The following SMUG1 variants were observed in gnomAD, a reference collection of about 807,000 sequenced individuals.
SMUG1 encodes single-strand selective monofunctional uracil DNA glycosylase.
SMUG1 carries 13 observed loss-of-function variants against 23.9 expected under a neutral mutation model. The ratio of observed to expected loss-of-function variants is 0.54; its 90% CI spans 0.35 to 0.86. The LOEUF (loss-of-function observed/expected upper bound fraction) is 0.86, where lower values mean the gene tolerates loss of function less well. Among genes scored for constraint, SMUG1 ranks in the 40% least tolerant of loss-of-function variants. The probability of loss-of-function intolerance (pLI) is 0.01; values close to 1 mark genes in which losing one functional copy is unlikely to be tolerated. For synonymous variants in SMUG1, 133 were observed against 139.8 expected, an observed-to-expected ratio of 0.95 and a Z score of 0.34; for missense variants, 313 against 339.5, an observed-to-expected ratio of 0.92 and a Z score of 0.61.
intron 3 of SMUG1, among the ~76,000 whole-genome samples, chr12:54,166,859 A>C (rs1251249918): frequency 1.3e-5 from 2 of 152,056 alleles, no homozygotes; most frequent in African/African-American, 4.8e-5. Context: ...ACAAATAATC[A>C]CAAAATGCTG....
downstream of SMUG1, among the ~76,000 whole-genome samples, chr12:54,161,770 A>G (rs1279747762): frequency 6.6e-6 from 1 of 152,096 alleles, no homozygotes; most frequent in Non-Finnish European, 1.5e-5. This position sits in a 1 kb window ranked among gnomAD's most constrained non-coding sequence, Gnocchi z 4.2. Flanking sequence ...AGGGACCCTG[A>G]TCCCACCAAG....
intron 4 of SMUG1, chr12:54,165,126 C>T (rs1940405239): frequency 6.6e-6 from 1 of 152,172 alleles, no homozygotes; most frequent in South Asian, 2.1e-4. Flanking sequence ...CATGTCCTCC[C>T]TTAATTCCCT....
chr12:54,160,061 GC>G (rs1940195809), downstream of SMUG1, among the ~76,000 whole-genome samples: 1 of 152,184 alleles, frequency 6.6e-6, no homozygotes, highest in African/African-American at 2.4e-5. Flanking sequence ...AGAGAGGGGA[GC>G]CCCTGAAACT....
At chr12:54,158,886 G>A (rs1203270888) in intron 4 of SMUG1, among the ~76,000 whole-genome samples, 1 of 152,164 alleles carries the variant, frequency 6.6e-6, no homozygotes, top group African/African-American at 2.4e-5. Flanking sequence ...TTGCTCAAGT[G>A]CACTTATCCC....
At position 54,180,627 on chromosome 12, in the gene SMUG1, C is replaced by A. The variant is rs1021435102; in HGVS notation, c.*1469G>T. The A allele has an allele frequency of 1.3e-5, 2 of 152,212 alleles. No individual in the cohort carries two copies. Among genetic ancestry groups the A allele is most frequent in the Non-Finnish European group, 2.9e-5 (2 of 68,056 alleles). The allele number at this position is 152,212 out of a possible 1,614,324, so 9.4% of individuals were successfully genotyped here. On this transcript the variant is annotated 3_prime_UTR_variant, in exon 4 of 4. Transcript: ENST00000682136. ...TACCAGGTTCCCATCTGCCCCATCA[C>A]CTGTTTCTCACGGTGTCCAGAGTAT...
intron 2 of SMUG1, among the ~76,000 whole-genome samples, chr12:54,174,712 T>C (rs1426993703): frequency 6.6e-6 from 1 of 152,212 alleles, no homozygotes; most frequent in Non-Finnish European, 1.5e-5. Context: ...GGAGGACTGT[T>C]CTGGGCTCTC....
Position 54,183,827 on chromosome 12 carries a change from G to T in SMUG1, c.114C>A (p.Leu38=). ...AESFLEEELR[L]NAELSQLQFS... is the part of the protein sequence containing the mutation. ...ACTGCAGCTGGCTCAGCTCAGCATT[G>T]AGCCGAAGCTCCTCCTCCAGGAAGC... Residue 38 remains leucine, a synonymous_variant, in exon 3 of 4, where the codon CTC becomes CTA. Transcript: ENST00000682136. 6.2e-7 allele frequency: 1 copy of T among 1,613,952 alleles called. No individual in the cohort carries two copies. The highest frequency in any genetic ancestry group is 8.5e-7 in the Non-Finnish European group (1 of 1,179,948).
downstream of SMUG1, among the ~76,000 whole-genome samples, chr12:54,179,998 C>T (rs991397981): frequency 1.3e-5 from 2 of 152,150 alleles, no homozygotes; most frequent in African/African-American, 4.8e-5. Context: ...CTGACCAAAA[C>T]CTGTGTCAGA....
rs1940913064 is a variant in SMUG1 at position 54,180,540 on chromosome 12, T to C, written c.*1556A>G. On this transcript the variant is annotated 3_prime_UTR_variant, in exon 4 of 4. Coordinates refer to ENST00000682136, the MANE Select transcript of SMUG1 (RefSeq NM_001243787.2). ...GCTCTGCTCCCAACTTGGTTCACTT[T>C]CCCAGCCCTTACCAAAGGGGCACCC... The C allele has an allele frequency of 6.6e-6, 1 of 152,146 alleles. No homozygotes were observed. The highest frequency in any genetic ancestry group is 2.1e-4 in the South Asian group (1 of 4,832). 9.4% of individuals were successfully genotyped at this position (152,146 alleles called of 1,614,324 possible).
Position 54,183,693 on chromosome 12 carries a change from C to G in SMUG1, c.248G>C (p.Gly83Ala). 6.2e-7 allele frequency: 1 copy of G among 1,614,012 alleles called. No homozygotes were observed. Among genetic ancestry groups the G allele is most frequent in the Non-Finnish European group, 8.5e-7 (1 of 1,179,972 alleles). The part of the protein sequence containing the change: ...CQGPKEVLFL[G>A]MNPGPFGMAQ... Reference sequence around the variant, plus strand: ...CATGCCAAAAGGTCCAGGGTTCATGCCCAGGAAGAGTACTTCCTTGGGGCC... The same window carrying G: ...CATGCCAAAAGGTCCAGGGTTCATGGCCAGGAAGAGTACTTCCTTGGGGCC... Residue 83 changes from glycine (G) to alanine (A), a missense_variant, in exon 3 of 4, where the codon GGC (glycine) becomes GCC (alanine). Gly to Ala is a moderately conservative substitution (Grantham distance 60, BLOSUM62 0). Coordinates refer to ENST00000682136, the MANE Select transcript of SMUG1 (RefSeq NM_001243787.2).
intron 4 of SMUG1, among the ~76,000 whole-genome samples, chr12:54,158,805 A>G (rs1302162206): frequency 6.6e-6 from 1 of 152,132 alleles, no homozygotes; most frequent in Non-Finnish European, 1.5e-5. Flanking sequence ...GCCACCCACC[A>G]GACAGGAAAA....
At chr12:54,178,520 CCT>C (rs1235688291), downstream of SMUG1, among the ~76,000 whole-genome samples, 8 of 152,122 alleles carry the variant, frequency 5.3e-5, no homozygotes, top group East Asian at 3.8e-4. Context: ...AGACTCATCC[CCT>C]CTCTTCCCAT....
At chr12:54,170,263 A>G (rs373318184) in intron 3 of SMUG1, among the ~76,000 whole-genome samples, 21 of 151,552 alleles carry the variant, frequency 1.4e-4, no homozygotes, top group South Asian at 8.4e-4. Flanking sequence ...GCGGCAAAGC[A>G]GTAAAGGTGA....
rs1942148267 is a variant in SMUG1, at chr12:54,185,477, TAAAATAA to T, written c.-19-1525_-19-1519del. Among the ~76,000 whole-genome samples, 2 of 57,508 alleles carry T rather than the reference TAAAATAA, an allele frequency of 3.5e-5. 1 individual carries two copies. Among genetic ancestry groups the T allele is most frequent in the African/African-American group, 1.1e-4 (2 of 18,120 alleles). The allele number at this position is 57,508 out of a possible 152,430, so 37.7% of individuals were successfully genotyped here. A position where few individuals can be genotyped will look rare whatever the true frequency, so the allele number is the denominator to read the frequency against. On this transcript the variant is annotated intron_variant, in intron 2 of 3. Transcript: ENST00000682136. ...AGCAAGACTCCATCTCAAAAAAAAA[TAAAATAA>T]AAAATAAATAAATAAATAAATAAAT...
chr12:54,182,609 T>C lies in SMUG1; in HGVS notation c.300A>G (p.Glu100=), dbSNP rs1184255235. 6.2e-7 allele frequency: 1 copy of C among 1,609,646 alleles called. No homozygotes were observed. Among genetic ancestry groups the C allele is most frequent in the Non-Finnish European group, 8.5e-7 (1 of 1,177,418 alleles). The change falls in exon 4 of 4, where the codon GAA becomes GAG. Residue 100 remains glutamate, a synonymous_variant. Coordinates refer to ENST00000682136, the MANE Select transcript of SMUG1 (RefSeq NM_001243787.2). ...CCAACCAGTCCCGGACCATGCTTAC[T>C]TCCCCAAAGGGCACCTGTGAGGAAG... is the stretch of plus-strand genomic sequence containing the variant. The part of the protein sequence containing the change: ...GMAQTGVPFG[E]VSMVRDWLGI...
At position 54,183,745 on chromosome 12, in the gene SMUG1, G is replaced by A. The variant is rs371582477; in HGVS notation, c.196C>T (p.Arg66Cys). Reference protein sequence around the residue: ...NPVEYAWEPHRNYVTRYCQGP... With the variant: ...NPVEYAWEPHCNYVTRYCQGP... ...TGGCAGTAGCGAGTCACGTAGTTGCGATGTGGCTCCCATGCATACTCCACG... is the reference window on the plus strand; with the variant it reads ...TGGCAGTAGCGAGTCACGTAGTTGCAATGTGGCTCCCATGCATACTCCACG... The change falls in exon 3 of 4, where the codon CGC becomes TGC. Residue 66 changes from arginine to cysteine, a missense_variant. Transcript: ENST00000682136. The A allele has an allele frequency of 1.4e-5, 22 of 1,613,926 alleles. No homozygotes were observed. Among genetic ancestry groups the A allele is most frequent in the South Asian group, 5.5e-5 (5 of 91,082 alleles).
At chr12:54,173,766 T>TC (rs1462270096) in intron 2 of SMUG1, among the ~76,000 whole-genome samples, 1 of 56,576 alleles carries the variant, frequency 1.8e-5, no homozygotes, top group Non-Finnish European at 3.2e-5. Flanking sequence ...CCCAAAACGC[T>TC]CCCCCCACCC....
intron 4 of SMUG1, among the ~76,000 whole-genome samples, chr12:54,158,625 A>G (rs561220625): frequency 3.3e-5 from 5 of 152,076 alleles, no homozygotes; most frequent in African/African-American, 1.2e-4. Context: ...GGTCTTCCTC[A>G]TCCCTCCCCA....
downstream of SMUG1, among the ~76,000 whole-genome samples, chr12:54,177,954 A>G (rs564522969): frequency 1.2e-4 from 18 of 152,294 alleles, no homozygotes; most frequent in Non-Finnish European, 2.2e-4. Context: ...ATATGACTAT[A>G]TTGGATATAG....
Sources: gnomAD v4.1 joint callset for allele counts (sites outside exome capture counted in the v4.1 genomes callset) on GRCh38, gnomAD v4.1.1 for gene constraint, Gnocchi (gnomAD v3.1) non-coding constraint, MANE v1.5 for transcripts, NCBI Gene and HGNC (gene_info 2026-07-23, HGNC 2026-07-21) for gene names.